CYB5R4: variants seen among roughly 807,000 people sequenced by gnomAD.
CYB5R4 encodes the protein cytochrome b5 reductase 4.
Under a neutral mutation model 70.2 loss-of-function variants are expected in CYB5R4, and 55 were observed. The ratio of observed to expected loss-of-function variants is 0.78; its 90% confidence interval spans 0.63 to 0.98. The LOEUF (loss-of-function observed/expected upper bound fraction) is 0.98. Among genes scored for constraint, CYB5R4 ranks in the 50% least tolerant of loss-of-function variants. The pLI is 0.00. For missense variants in CYB5R4, 562 were observed against 612.6 expected, an observed-to-expected ratio of 0.92 and a Z score of 0.87; for synonymous variants, 197 against 199.5, an observed-to-expected ratio of 0.99 and a Z score of 0.11.
intron 2 of CYB5R4, among the ~76,000 whole-genome samples, chr6:83,865,247 T>G (rs1401070881): frequency 1.3e-5 from 2 of 152,180 alleles, no homozygotes; most frequent in Non-Finnish European, 2.9e-5. Context: ...TATGGTCACT[T>G]AAAGAGGTAT....
At chr6:83,902,171 T>C (rs985453750) in intron 3 of CYB5R4, among the ~76,000 whole-genome samples, 5 of 152,218 alleles carry the variant, frequency 3.3e-5, no homozygotes, top group Non-Finnish European at 7.3e-5. Context: ...TTTAAGTCTT[T>C]AATCCATTTT....
At chr6:83,872,229 T>G (rs1161338945) in intron 2 of CYB5R4, among the ~76,000 whole-genome samples, 1 of 152,224 alleles carries the variant, frequency 6.6e-6, no homozygotes, top group Non-Finnish European at 1.5e-5. Context: ...TTCTCAGGTT[T>G]AAATTAAAAC....
intron 15 of CYB5R4, among the ~76,000 whole-genome samples, chr6:83,957,737 A>C (rs1216765083): frequency 6.6e-6 from 1 of 151,984 alleles, no homozygotes; most frequent in African/African-American, 2.4e-5. Flanking sequence ...AGAGTTGCTC[A>C]GGAGTATTTA....
chr6:83,911,716 T>C (rs1238192237), intron 4 of CYB5R4, among the ~76,000 whole-genome samples: 4 of 152,102 alleles, frequency 2.6e-5, no homozygotes, highest in Non-Finnish European at 5.9e-5. Context: ...TAACACCTCC[T>C]GTATACCTCT....
chr6:83,862,707 G>A (rs1041270768), intron 1 of CYB5R4, among the ~76,000 whole-genome samples: 2 of 152,232 alleles, frequency 1.3e-5, no homozygotes, highest in Admixed American at 6.5e-5. Context: ...AGCCACTGAA[G>A]GAGGGAGAGC....
chr6:83,909,352 T>C (rs1277165995), intron 4 of CYB5R4, among the ~76,000 whole-genome samples: 1 of 152,232 alleles, frequency 6.6e-6, no homozygotes, highest in Non-Finnish European at 1.5e-5. Flanking sequence ...ATTAGTTTTT[T>C]AGAATTTAAT....
intron 2 of CYB5R4, among the ~76,000 whole-genome samples, chr6:83,869,520 T>G (rs2099457252): frequency 6.6e-6 from 1 of 152,150 alleles, no homozygotes; most frequent in South Asian, 2.1e-4. Flanking sequence ...TTGTTTTAGT[T>G]CTTATACTGT....
chr6:83,859,930 C>A, intron 1 of CYB5R4, 73 bp downstream of exon 1: 2 of 1,385,312 alleles, frequency 1.4e-6, no homozygotes, highest in Non-Finnish European at 2.0e-6. Flanking sequence ...CTTCTTCCGC[C>A]CCAACTCCCA....
At chr6:83,926,097 G>A (rs1038906580) in intron 10 of CYB5R4, among the ~76,000 whole-genome samples, 3 of 151,970 alleles carry the variant, frequency 2.0e-5, no homozygotes, top group Non-Finnish European at 4.4e-5. Flanking sequence ...TGCTTTCTTT[G>A]AATGTTTCCT....
intron 2 of CYB5R4, among the ~76,000 whole-genome samples, chr6:83,886,972 A>G (rs749411733): frequency 1.7e-4 from 26 of 152,272 alleles, no homozygotes; most frequent in South Asian, 6.2e-4. Context: ...TTACACACAG[A>G]CTTTCACAAA....
intron 14 of CYB5R4, among the ~76,000 whole-genome samples, chr6:83,953,270 G>C (rs1026191008): frequency 3.3e-5 from 5 of 151,896 alleles, no homozygotes; most frequent in Non-Finnish European, 5.9e-5. Context: ...TAGTTAGCCT[G>C]CTTTCATGGA....
intron 8 of CYB5R4, among the ~76,000 whole-genome samples, chr6:83,921,499 G>T (rs2099466367): frequency 6.6e-6 from 1 of 152,188 alleles, no homozygotes; most frequent in Non-Finnish European, 1.5e-5. Context: ...ATGTCTTACT[G>T]ACTGTCCTTC....
chr6:83,882,979 A>G (rs955760481), intron 2 of CYB5R4, among the ~76,000 whole-genome samples: 1 of 152,326 alleles, frequency 6.6e-6, no homozygotes, highest in Admixed American at 6.5e-5. Flanking sequence ...ATCTCAAAAA[A>G]GCAAACAAAC....
chr6:83,886,892 C>G (rs987546672), intron 2 of CYB5R4, among the ~76,000 whole-genome samples: 3 of 152,124 alleles, frequency 2.0e-5, no homozygotes, highest in African/African-American at 7.2e-5. Context: ...CACAGTAACG[C>G]TGTTAGTGAG....
chr6:83,871,737 C>T (rs184941488), intron 2 of CYB5R4, among the ~76,000 whole-genome samples: 283 of 151,964 alleles, frequency 1.9e-3, no homozygotes, highest in African/African-American at 6.3e-3. Flanking sequence ...TCAATGAATT[C>T]ATTAATTTTA....
At chr6:83,935,717 A>G (rs2099468815) in intron 11 of CYB5R4, among the ~76,000 whole-genome samples, 1 of 152,172 alleles carries the variant, frequency 6.6e-6, no homozygotes, top group South Asian at 2.1e-4. Flanking sequence ...GTAATATGTA[A>G]TATGTTAAAA....
chr6:83,922,374 T>C, intron 8 of CYB5R4, 64 bp from the exon 9 acceptor site: 1 of 1,349,534 alleles, frequency 7.4e-7, no homozygotes, highest in Non-Finnish European at 1.1e-6. Flanking sequence ...TTAAATGACA[T>C]ATGGTGTTCA....
chr6:83,891,117 A>G (rs1480954929), intron 2 of CYB5R4, among the ~76,000 whole-genome samples: 1 of 151,896 alleles, frequency 6.6e-6, no homozygotes, highest in African/African-American at 2.4e-5. Flanking sequence ...GCTAATTTTT[A>G]GGGTTTTTTT....
rs769943367 is a variant in CYB5R4, at chr6:83,909,017, T to C, written c.339T>C (p.Arg113=). The C allele has an allele frequency of 6.2e-7, 1 of 1,613,492 alleles. No homozygotes were observed. Among genetic ancestry groups the C allele is most frequent in the Non-Finnish European group, 8.5e-7 (1 of 1,179,524 alleles). ...TTTGTTTTACATACCAGGTTCATCG[T>C]TGGGTCAATTATGAATCCATGCTGA... is the stretch of plus-strand genomic sequence containing the variant. ...DGTELFDQVH[R]WVNYESMLKE... Residue 113 remains arginine, a synonymous_variant, in exon 4 of 16, where the codon CGT becomes CGC. Coordinates refer to ENST00000369681, the MANE Select transcript of CYB5R4 (RefSeq NM_016230.4).
Sources: gnomAD v4.1 joint callset for allele counts (sites outside exome capture counted in the v4.1 genomes callset) on GRCh38, gnomAD v4.1.1 for gene constraint, MANE v1.5 for transcripts, NCBI Gene and HGNC (gene_info 2026-07-23, HGNC 2026-07-21) for gene names.